The following TNFAIP8 variants were observed in gnomAD, a reference collection of about 807,000 sequenced individuals.
The protein encoded by TNFAIP8 is TNF alpha induced protein 8.
A neutral mutation model predicts 13.3 loss-of-function variants in TNFAIP8; 7 were observed. The ratio of observed to expected loss-of-function variants is 0.52; its 90% CI spans 0.30 to 0.99. The LOEUF (loss-of-function observed/expected upper bound fraction) is 0.99, where lower values mean the gene tolerates loss of function less well. Among genes scored for constraint, TNFAIP8 ranks in the 50% least tolerant of loss-of-function variants. TNFAIP8 has a pLI of 0.07. For missense variants in TNFAIP8, 258 were observed against 236.9 expected (o/e 1.09, Z -0.58); for synonymous variants, 94 against 87.6 (o/e 1.07, Z -0.41).
intron 1 of TNFAIP8, among the ~76,000 whole-genome samples, chr5:119,343,282 G>A (rs920145978): frequency 6.6e-6 from 1 of 152,184 alleles, no homozygotes; most frequent in Non-Finnish European, 1.5e-5. Context: ...CGTCCATTCT[G>A]TGCATGTTGT....
intron 1 of TNFAIP8, among the ~76,000 whole-genome samples, chr5:119,321,633 A>G (rs1038117661): frequency 6.6e-6 from 1 of 152,138 alleles, no homozygotes; most frequent in African/African-American, 2.4e-5. Flanking sequence ...CTCACCTGGC[A>G]GCAAGTTCTT....
chr5:119,361,795 CA>C (rs1751647062), intron 1 of TNFAIP8, among the ~76,000 whole-genome samples: 1 of 152,156 alleles, frequency 6.6e-6, no homozygotes, highest in South Asian at 2.1e-4. Context: ...AGCTGGGGAC[CA>C]GGGGTGTCCC....
intron 1 of TNFAIP8, among the ~76,000 whole-genome samples, chr5:119,329,666 G>A (rs1027902092): frequency 1.2e-4 from 18 of 152,094 alleles, no homozygotes; most frequent in African/African-American, 4.1e-4. Flanking sequence ...TTATGGAGCT[G>A]GGTTTCCACA....
At chr5:119,270,580 A>G (rs1271274454) in intron 1 of TNFAIP8, among the ~76,000 whole-genome samples, 1 of 152,188 alleles carries the variant, frequency 6.6e-6, no homozygotes, top group African/African-American at 2.4e-5. Flanking sequence ...TAGTAACACA[A>G]TTTGCTTTTT....
At chr5:119,280,756 T>C (rs1283736195) in intron 1 of TNFAIP8, among the ~76,000 whole-genome samples, 1 of 152,236 alleles carries the variant, frequency 6.6e-6, no homozygotes, top group Non-Finnish European at 1.5e-5. Context: ...GGAATAATTT[T>C]ATAAGGATAG....
exon 1 of TNFAIP8, chr5:119,268,827 C>G: frequency 1.6e-5 from 11 of 701,998 alleles, no homozygotes; most frequent in South Asian, 1.5e-4. Flanking sequence ...CCGTGAGCCA[C>G]CGAGAGAGCA....
At chr5:119,334,742 T>G (rs114943906) in intron 1 of TNFAIP8, among the ~76,000 whole-genome samples, 2,691 of 151,476 alleles carry the variant, frequency 0.018, 95 homozygotes, top group African/African-American at 0.062. Flanking sequence ...ACCACTGCAC[T>G]CCAGCCTGGT....
At chr5:119,311,846 A>G (rs1477975665) in intron 1 of TNFAIP8, among the ~76,000 whole-genome samples, 1 of 152,164 alleles carries the variant, frequency 6.6e-6, no homozygotes, top group Non-Finnish European at 1.5e-5. Context: ...TGGTTTATAG[A>G]GTTTGAGTGT....
chr5:119,367,334 A>G (rs533053386), intron 1 of TNFAIP8, among the ~76,000 whole-genome samples: 2 of 152,120 alleles, frequency 1.3e-5, no homozygotes, highest in African/African-American at 4.8e-5. Context: ...GAGTCATTCT[A>G]TGGTCTTAGG....
intron 1 of TNFAIP8, among the ~76,000 whole-genome samples, chr5:119,347,023 T>A (rs1481659285): frequency 6.6e-6 from 1 of 152,230 alleles, no homozygotes; most frequent in African/African-American, 2.4e-5. Context: ...TGATATACCA[T>A]CTCCTATTAA....
chr5:119,332,694 G>A (rs1750423146), intron 1 of TNFAIP8, among the ~76,000 whole-genome samples: 1 of 152,206 alleles, frequency 6.6e-6, no homozygotes, highest in Non-Finnish European at 1.5e-5. Flanking sequence ...CCAAAGAAAA[G>A]CCTTCTTAGA....
At chr5:119,341,399 G>C (rs1003499950) in intron 1 of TNFAIP8, among the ~76,000 whole-genome samples, 1 of 151,144 alleles carries the variant, frequency 6.6e-6, no homozygotes, top group East Asian at 1.9e-4. Flanking sequence ...AGGCATTGAA[G>C]TTCAGTTAAA....
upstream of TNFAIP8, among the ~76,000 whole-genome samples, chr5:119,352,842 C>A (rs1178542597): frequency 6.6e-6 from 1 of 151,430 alleles, no homozygotes; most frequent in South Asian, 2.2e-4. Flanking sequence ...AAGTTGAGTT[C>A]TTTAGGTCTG....
intron 1 of TNFAIP8, among the ~76,000 whole-genome samples, chr5:119,360,653 C>T (rs1751596798): frequency 6.6e-6 from 1 of 152,134 alleles, no homozygotes; most frequent in Non-Finnish European, 1.5e-5. Flanking sequence ...CCCTTTCTAT[C>T]CTCTTTAATA....
rs190818248 is a variant in TNFAIP8 at position 119,361,575 on chromosome 5, A to G, written c.31+5454A>G. Among the ~76,000 whole-genome samples the G allele has an allele frequency of 2.0e-5, 3 of 152,350 alleles. No individual in the cohort carries two copies. In the East Asian group the frequency reaches 5.8e-4, roughly 29 times the overall value. ...TTCTTCTAAGAAGGTGATGAAGCAAAGAGACTATAAGCAGAATTCCCTACG... is the reference window on the plus strand; with the variant it reads ...TTCTTCTAAGAAGGTGATGAAGCAAGGAGACTATAAGCAGAATTCCCTACG... On this transcript the variant is annotated intron_variant, in intron 1 of 1. Transcript: ENST00000504771.
chr5:119,302,004 T>G (rs1749410347), intron 1 of TNFAIP8, among the ~76,000 whole-genome samples: 1 of 152,256 alleles, frequency 6.6e-6, no homozygotes, highest in African/African-American at 2.4e-5. Flanking sequence ...GGTACCACTT[T>G]GATTACATAA....
intron 1 of TNFAIP8, among the ~76,000 whole-genome samples, chr5:119,287,062 C>T (rs1305964999): frequency 1.3e-5 from 2 of 152,166 alleles, no homozygotes; most frequent in Admixed American, 1.3e-4. Context: ...CATTGCTTCT[C>T]TTTCCTGGAC....
In TNFAIP8 at chr5:119,392,798, C is replaced by G. The variant is rs185398250; in HGVS notation, c.32-18C>G. 1.4e-6 allele frequency: 2 copies of G among 1,476,422 alleles called. No individual in the cohort carries two copies. The highest frequency in any genetic ancestry group is 2.6e-5 in the South Asian group (2 of 76,208). 91.5% of individuals were successfully genotyped at this position (1,476,422 alleles called of 1,614,324 possible). On this transcript the variant is annotated intron_variant, in intron 1 of 1. Transcript: ENST00000504771. ...TTTACTAATTGTTAATTCTTTTCCT[C>G]TCTTTTTTTTTTTTTAGTGGCCACA... is the stretch of plus-strand genomic sequence containing the variant.
intron 1 of TNFAIP8, among the ~76,000 whole-genome samples, chr5:119,269,266 C>A (rs992215071): frequency 3.3e-5 from 5 of 152,200 alleles, no homozygotes; most frequent in African/African-American, 9.6e-5. Flanking sequence ...GTCACGTCCT[C>A]CTGTAACCGC....
Sources: allele counts gnomAD v4.1 joint callset (sites outside exome capture counted in the v4.1 genomes callset), GRCh38; gene constraint gnomAD v4.1.1; transcripts MANE v1.5; gene names NCBI Gene and HGNC (gene_info 2026-07-23, HGNC 2026-07-21).